The following PARD3B variants were observed in gnomAD, a reference collection of about 807,000 sequenced individuals.
PARD3B encodes par-3 family cell polarity regulator beta.
A neutral mutation model predicts 130.2 loss-of-function variants in PARD3B; 103 were observed. That is an observed-to-expected ratio of 0.79 (90% confidence interval 0.67 to 0.93). The LOEUF is 0.93. Among genes scored for constraint, PARD3B ranks in the 40% least tolerant of loss-of-function variants. PARD3B has a pLI of 0.00. For synonymous variants in PARD3B, 583 were observed against 553.2 expected, an observed-to-expected ratio of 1.05 and a Z score of -0.76; for missense variants, 1,609 against 1,499.2, an observed-to-expected ratio of 1.07 and a Z score of -1.21.
At chr2:204,738,635 A>G (rs1195080447) in intron 2 of PARD3B, among the ~76,000 whole-genome samples, 2 of 152,096 alleles carry the variant, frequency 1.3e-5, no homozygotes, top group East Asian at 1.9e-4. Context: ...GGGCTCTTTT[A>G]TGGAGGCTTT....
At chr2:204,838,407 G>T (rs868512825) in intron 2 of PARD3B, among the ~76,000 whole-genome samples, 1 of 150,734 alleles carries the variant, frequency 6.6e-6, no homozygotes, top group Non-Finnish European at 1.5e-5. Context: ...TAGAGACGGG[G>T]TTTTGCCATG....
chr2:204,703,769 C>T (rs1245461834), intron 2 of PARD3B, among the ~76,000 whole-genome samples: 5 of 152,078 alleles, frequency 3.3e-5, no homozygotes, highest in African/African-American at 1.2e-4. Flanking sequence ...CCACCACACA[C>T]TGAGAATGTA....
intron 18 of PARD3B, among the ~76,000 whole-genome samples, chr2:205,399,963 A>G (rs2046189979): frequency 6.6e-6 from 1 of 152,072 alleles, no homozygotes; most frequent in South Asian, 2.1e-4. Context: ...CTCTGGTGGG[A>G]GGTCTTGGTC....
At chr2:205,141,286 T>TA (rs1178535961) in intron 10 of PARD3B, among the ~76,000 whole-genome samples, 1 of 152,040 alleles carries the variant, frequency 6.6e-6, no homozygotes, top group African/African-American at 2.4e-5. Context: ...GAAGAAAAAA[T>TA]AAAAAAATAA....
rs1485824229 is a variant in PARD3B at position 205,258,749 on chromosome 2, CT to C, written c.2185+12928del. Among the ~76,000 whole-genome samples the C allele has an allele frequency of 7.9e-5, 12 of 152,128 alleles. No individual in the cohort carries two copies. The highest frequency in any genetic ancestry group is 1.2e-4 in the Non-Finnish European group (8 of 68,018). On this transcript the variant is annotated intron_variant, in intron 16 of 22. Transcript: ENST00000406610. This position sits in a 1 kb window ranked among gnomAD's most constrained non-coding sequence, Gnocchi z 4.9. ...GTGTATGTCTTGTCCTAATAAATAG[CT>C]GGATTTTGTTTTGATGTTCAATGTG... is the stretch of plus-strand genomic sequence containing the variant.
At chr2:205,134,460 G>C (rs901223493) in intron 10 of PARD3B, among the ~76,000 whole-genome samples, 1 of 141,236 alleles carries the variant, frequency 7.1e-6, no homozygotes, top group African/African-American at 2.7e-5. Context: ...GAGAAGTAGA[G>C]GCTGTAGTGA....
chr2:205,457,679 A>G (rs2048320778), intron 20 of PARD3B, among the ~76,000 whole-genome samples: 1 of 151,954 alleles, frequency 6.6e-6, no homozygotes. Context: ...TTCTCTAGGT[A>G]TGTAATTGCC....
At chr2:205,354,383 A>T (rs185189012) in intron 18 of PARD3B, among the ~76,000 whole-genome samples, 23 of 152,156 alleles carry the variant, frequency 1.5e-4, no homozygotes, top group Admixed American at 5.2e-4. Context: ...TGGGTGCAGC[A>T]CACCAACATG....
intron 1 of PARD3B, among the ~76,000 whole-genome samples, chr2:204,563,536 C>G (rs967423391): frequency 6.6e-6 from 1 of 152,054 alleles, no homozygotes; most frequent in African/African-American, 2.4e-5. Flanking sequence ...TCCCCATTGC[C>G]TTTCTTACAA....
intron 4 of PARD3B, among the ~76,000 whole-genome samples, chr2:205,101,315 C>A (rs549997060): frequency 2.0e-5 from 3 of 151,530 alleles, no homozygotes; most frequent in African/African-American, 7.3e-5. Flanking sequence ...TGAAAATAAG[C>A]TGTGGCAAGT....
chr2:205,079,503 G>C (rs1004738392), intron 4 of PARD3B, among the ~76,000 whole-genome samples: 27 of 152,122 alleles, frequency 1.8e-4, no homozygotes, highest in African/African-American at 5.3e-4. Context: ...GACAAAAAAG[G>C]CTTCGCCAAT....
intron 1 of PARD3B, among the ~76,000 whole-genome samples, chr2:204,684,276 CT>C (rs771538234): frequency 1.1e-4 from 16 of 152,038 alleles, no homozygotes; most frequent in Non-Finnish European, 2.1e-4. Flanking sequence ...TACAAATATA[CT>C]ATAAAGAAAA....
chr2:205,094,626 A>C (rs1702298522), intron 4 of PARD3B, among the ~76,000 whole-genome samples: 1 of 152,142 alleles, frequency 6.6e-6, no homozygotes, highest in Non-Finnish European at 1.5e-5. Flanking sequence ...GTGGATTAAA[A>C]ATTTTCTGCA....
chr2:204,935,595 T>C (rs888154923), intron 2 of PARD3B, among the ~76,000 whole-genome samples: 28 of 151,542 alleles, frequency 1.8e-4, no homozygotes, highest in Non-Finnish European at 4.1e-4. Context: ...ACATATATAG[T>C]ATGTATTATG....
At chr2:205,191,869 G>A (rs1377039359) in intron 14 of PARD3B, among the ~76,000 whole-genome samples, 1 of 152,066 alleles carries the variant, frequency 6.6e-6, no homozygotes, top group East Asian at 1.9e-4. Context: ...GGGGAGGGTG[G>A]AGGAGATGAG....
chr2:204,887,151 A>T lies in PARD3B; in HGVS notation c.223-78001A>T, dbSNP rs1012998009. Among the ~76,000 whole-genome samples the T allele has an allele frequency of 6.6e-6, 1 of 152,200 alleles. No individual in the cohort carries two copies. Among genetic ancestry groups the T allele is most frequent in the Non-Finnish European group, 1.5e-5 (1 of 68,046 alleles). On this transcript the variant is annotated intron_variant, in intron 2 of 22. Coordinates refer to ENST00000406610, the MANE Select transcript of PARD3B (RefSeq NM_001302769.2). This position sits in a 1 kb window ranked among gnomAD's most constrained non-coding sequence, Gnocchi z 4.2. ...TTTATTTAGGGAAGTTATCTGTTCA[A>T]TTGAGATGAATGGTAATGGGATTAT... is the stretch of plus-strand genomic sequence containing the variant.
intron 2 of PARD3B, 117 bp from the exon 3 acceptor site, chr2:204,965,035 T>A (rs1691103009): frequency 1.1e-6 from 1 of 871,880 alleles, no homozygotes; most frequent in Non-Finnish European, 1.7e-6. Flanking sequence ...ACATTAACAT[T>A]TTAAGTTTGA....
chr2:205,398,943 A>T (rs1355792795), intron 18 of PARD3B, among the ~76,000 whole-genome samples: 1 of 152,132 alleles, frequency 6.6e-6, no homozygotes, highest in African/African-American at 2.4e-5. Context: ...GGTTGGGGGT[A>T]TGAAGCCGGC....
chr2:204,894,519 T>C (rs1282216271), intron 2 of PARD3B, among the ~76,000 whole-genome samples: 1 of 151,998 alleles, frequency 6.6e-6, no homozygotes, highest in Non-Finnish European at 1.5e-5. Flanking sequence ...ACAGGAGATA[T>C]ATTAAATGCT....
Sources: gnomAD v4.1 joint callset for allele counts (sites outside exome capture counted in the v4.1 genomes callset) on GRCh38, gnomAD v4.1.1 for gene constraint, Gnocchi (gnomAD v3.1) non-coding constraint, MANE v1.5 for transcripts, NCBI Gene and HGNC (gene_info 2026-07-23, HGNC 2026-07-21) for gene names.